RTKN2: variants seen among roughly 807,000 people sequenced by gnomAD.
RTKN2 encodes the protein rhotekin-2.
A neutral mutation model predicts 71.5 loss-of-function variants in RTKN2; 69 were observed. That is an observed-to-expected ratio of 0.96 (90% CI 0.79 to 1.18). RTKN2 has a LOEUF of 1.18. RTKN2 is among the 50% of genes most tolerant of loss of function. RTKN2 has a pLI of 0.00. For missense variants in RTKN2, 724 were observed against 719.7 expected (o/e 1.01, Z -0.07); for synonymous variants, 236 against 236.5 (o/e 1.00, Z 0.02).
chr10:62,235,060 G>A (rs910332473), intron 6 of RTKN2, among the ~76,000 whole-genome samples: 2 of 151,984 alleles, frequency 1.3e-5, no homozygotes, highest in Non-Finnish European at 2.9e-5. Context: ...CCACAAAGAT[G>A]CAATCAACTA....
intron 8 of RTKN2, 87 bp from the exon 9 acceptor site, chr10:62,217,336 T>G (rs1437754208): frequency 1.1e-6 from 1 of 940,548 alleles, no homozygotes; most frequent in Non-Finnish European, 1.5e-6. Flanking sequence ...CAAGGTTAAA[T>G]TAGTTATTTA....
chr10:62,186,111 G>A (rs988452393), intron 8 of RTKN2, among the ~76,000 whole-genome samples: 2 of 152,208 alleles, frequency 1.3e-5, no homozygotes, highest in African/African-American at 2.4e-5. Context: ...TGTGGGCCGT[G>A]GGAGGGAGCT....
chr10:62,217,994 A>T (rs1334728722), intron 8 of RTKN2, among the ~76,000 whole-genome samples: 1 of 152,122 alleles, frequency 6.6e-6, no homozygotes, highest in Non-Finnish European at 1.5e-5. Context: ...TTAGCCATCA[A>T]CATCGCAGTA....
chr10:62,205,325 T>C (rs1282076008), intron 9 of RTKN2, among the ~76,000 whole-genome samples: 1 of 152,198 alleles, frequency 6.6e-6, no homozygotes, highest in Non-Finnish European at 1.5e-5. Flanking sequence ...TCAGTTTAAG[T>C]GGAAGTTTAC....
In RTKN2 at chr10:62,265,576, G is replaced by GTT. The variant is rs11403722; in HGVS notation, c.61-2757_61-2756dup. Among the ~76,000 whole-genome samples the GTT allele has an allele frequency of 1.9e-3, 285 of 146,296 alleles. 1 individual carries two copies. Among genetic ancestry groups the GTT allele is most frequent in the South Asian group, 2.6e-3 (12 of 4,648 alleles). ...GTTTTCAATGTATTCTGAGCTGTTGGTTTTTTTTTTTTTCTTAAGGCTACT... is the reference window on the plus strand; with the variant it reads ...GTTTTCAATGTATTCTGAGCTGTTGGTTTTTTTTTTTTTTTCTTAAGGCTACT... On this transcript the variant is annotated intron_variant, in intron 1 of 11. Transcript: ENST00000373789.
chr10:62,244,022 T>C (rs1055411773), intron 3 of RTKN2, among the ~76,000 whole-genome samples: 9 of 152,180 alleles, frequency 5.9e-5, no homozygotes, highest in Non-Finnish European at 1.2e-4. Context: ...AAATTTGTGA[T>C]TTAGTTTCAT....
Position 62,198,253 on chromosome 10 carries a change from A to G in RTKN2, c.1485T>C (p.His495=). The change falls in exon 12 of 12, where the codon CAT becomes CAC. Residue 495 remains histidine, a synonymous_variant. Transcript: ENST00000373789. ...CTTGTCTCTTTTTCCCTTTTTCATC[A>G]TGTAATGGCTCACTTGCAGGATACA... ...KVLYPASEPL[H]DEKGKKRQAP... 1 of 1,613,924 alleles carries G rather than the reference A, an allele frequency of 6.2e-7. No individual in the cohort carries two copies. Among genetic ancestry groups the G allele is most frequent in the African/African-American group, 1.3e-5 (1 of 74,980 alleles).
At chr10:62,205,375 T>C (rs1015712321) in intron 9 of RTKN2, among the ~76,000 whole-genome samples, 1 of 152,170 alleles carries the variant, frequency 6.6e-6, no homozygotes, top group Non-Finnish European at 1.5e-5. Flanking sequence ...ATAAAACAAG[T>C]ACAGCATGTC....
chr10:62,214,109 T>A (rs919033513), intron 9 of RTKN2, among the ~76,000 whole-genome samples: 3 of 151,860 alleles, frequency 2.0e-5, no homozygotes, highest in Admixed American at 6.6e-5. Flanking sequence ...AAGATGGCAA[T>A]ATTGCAAAGA....
chr10:62,215,580 T>C (rs1432415), intron 9 of RTKN2, among the ~76,000 whole-genome samples: 115,331 of 151,896 alleles, frequency 0.76, 43,876 homozygotes, highest in East Asian at 0.9. Flanking sequence ...ATTATGGTTA[T>C]GAAAAAGTGT....
intron 5 of RTKN2, 136 bp downstream of exon 5, chr10:62,239,512 A>C: frequency 2.1e-6 from 1 of 471,244 alleles, no homozygotes; most frequent in South Asian, 4.1e-5. Context: ...ATGATTTTTA[A>C]AATCATATTA....
In RTKN2 at chr10:62,197,243, T is replaced by C; in HGVS notation, c.*665A>G. The C allele has an allele frequency of 1.0e-6, 1 of 985,582 alleles. No individual in the cohort carries two copies. Among genetic ancestry groups the C allele is most frequent in the Non-Finnish European group, 1.2e-6 (1 of 829,686 alleles). 61.1% of individuals were successfully genotyped at this position (985,582 alleles called of 1,614,324 possible). ...TCTCTAAACTAGTAAGTGTTATGCT[T>C]CATTTATGAAAGTTAATGTCAACAG... On this transcript the variant is annotated 3_prime_UTR_variant, in exon 12 of 12. Coordinates refer to ENST00000373789, the MANE Select transcript of RTKN2 (RefSeq NM_145307.4).
chr10:62,220,167 C>A (rs967503230), intron 7 of RTKN2, among the ~76,000 whole-genome samples: 3 of 151,922 alleles, frequency 2.0e-5, no homozygotes, highest in Non-Finnish European at 4.4e-5. Context: ...TGTAGTAAAA[C>A]CAAAAAGTTT....
chr10:62,194,858 G>A lies in RTKN2; in HGVS notation c.*3050C>T. ...GTAAGATCCCAAAGGGTAAAGATAA[G>A]GCATTTATAATAAATGGATTTAGTT... On this transcript the variant is annotated 3_prime_UTR_variant, in exon 12 of 12. Transcript: ENST00000373789. 1.0e-6 allele frequency: 1 copy of A among 984,890 alleles called. No homozygotes were observed. Among genetic ancestry groups the A allele is most frequent in the Non-Finnish European group, 1.2e-6 (1 of 829,494 alleles). The allele number at this position is 984,890 out of a possible 1,614,324, so 61.0% of individuals were successfully genotyped here.
At chr10:62,244,299 T>G (rs1324917104) in intron 3 of RTKN2, among the ~76,000 whole-genome samples, 1 of 152,132 alleles carries the variant, frequency 6.6e-6, no homozygotes, top group East Asian at 1.9e-4. Context: ...TTTCTCAGAG[T>G]TTCCGTTCCT....
At chr10:62,259,684 T>A (rs1319572260) in intron 2 of RTKN2, among the ~76,000 whole-genome samples, 1 of 152,168 alleles carries the variant, frequency 6.6e-6, no homozygotes, top group Non-Finnish European at 1.5e-5. Context: ...CTTGAGTAGC[T>A]GGGAGTACAG....
intron 10 of RTKN2, among the ~76,000 whole-genome samples, chr10:62,202,796 T>C (rs1452890581): frequency 2.6e-5 from 4 of 152,240 alleles, no homozygotes; most frequent in East Asian, 3.8e-4. Context: ...CTAATAGTAG[T>C]TGATATCTAG....
Position 62,196,234 on chromosome 10 carries a change from T to TC in RTKN2, c.*1673dup, listed in dbSNP as rs1191618144. On this transcript the variant is annotated 3_prime_UTR_variant, in exon 12 of 12. Coordinates refer to ENST00000373789, the MANE Select transcript of RTKN2 (RefSeq NM_145307.4). ...TTAATGTCATTTATTGAAATGGCAA[T>TC]CATAACAGAAACTTATGAGAGCCTT... The TC allele has an allele frequency of 3.1e-6, 3 of 974,116 alleles. No individual in the cohort carries two copies. The highest frequency in any genetic ancestry group is 2.3e-4 in the East Asian group (2 of 8,742). 60.3% of individuals were successfully genotyped at this position (974,116 alleles called of 1,614,324 possible). A position where few individuals can be genotyped will look rare whatever the true frequency, so the allele number is the denominator to read the frequency against.
At position 62,195,433 on chromosome 10, in the gene RTKN2, C is replaced by T. The variant is rs1841302997; in HGVS notation, c.*2475G>A. The T allele has an allele frequency of 1.0e-6, 1 of 981,376 alleles. No homozygotes were observed. The highest frequency in any genetic ancestry group is 1.2e-6 in the Non-Finnish European group (1 of 826,842). The allele number at this position is 981,376 out of a possible 1,614,324, so 60.8% of individuals were successfully genotyped here. A position where few individuals can be genotyped will look rare whatever the true frequency, so the allele number is the denominator to read the frequency against. On this transcript the variant is annotated 3_prime_UTR_variant, in exon 12 of 12. Coordinates refer to ENST00000373789, the MANE Select transcript of RTKN2 (RefSeq NM_145307.4). Reference sequence around the variant, plus strand: ...TTTTGAAACACTCTTTGACACAGTGCTTAACTATTTTTAGATTTTTTTTTT... The same window carrying T: ...TTTTGAAACACTCTTTGACACAGTGTTTAACTATTTTTAGATTTTTTTTTT...
Sources: allele counts gnomAD v4.1 joint callset (sites outside exome capture counted in the v4.1 genomes callset), GRCh38; gene constraint gnomAD v4.1.1; transcripts MANE v1.5; gene names NCBI Gene and HGNC (gene_info 2026-07-23, HGNC 2026-07-21).